ACSL4: variants seen among roughly 807,000 people sequenced by gnomAD.
ACSL4 encodes the protein long-chain-fatty-acid--CoA ligase 4.
A neutral mutation model predicts 49.1 loss-of-function variants in ACSL4; 9 were observed. The observed-to-expected ratio is 0.18, with a 90% CI of 0.11 to 0.32. The LOEUF (loss-of-function observed/expected upper bound fraction) is 0.32. Ranked by LOEUF, ACSL4 falls within the 10% of genes least tolerant of loss-of-function variation. The pLI, the probability that ACSL4 is intolerant of heterozygous loss-of-function variation, is 1.00. For missense variants in ACSL4, 333 were observed against 493.7 expected (o/e 0.67, Z 3.08); for synonymous variants, 191 against 170.3 (o/e 1.12, Z -0.95).
At chrX:109,722,644 T>A (rs1284633280) in intron 1 of ACSL4, among the ~76,000 whole-genome samples, 1 of 111,515 alleles carries the variant, frequency 9.0e-6, no homozygotes, top group Non-Finnish European at 1.9e-5. Flanking sequence ...TGACTCAACA[T>A]TAAAGACTTT....
chrX:109,668,886 A>T, intron 10 of ACSL4, 148 bp downstream of exon 10: 1 of 443,277 alleles, frequency 2.3e-6, no homozygotes, highest in Non-Finnish European at 3.7e-6. Context: ...ATAAACAATA[A>T]GACTTAGAAT....
At position 109,682,830 on chromosome X, in the gene ACSL4, T is replaced by G; in HGVS notation, c.295A>C (p.Ser99Arg). Residue 99 changes from serine to arginine, a missense_variant, in exon 4 of 16, where the codon AGT becomes CGT. Transcript: ENST00000672401. ...EVNRRVNNFG[S>R]GLTALGLKPK... ...TTTAGTCCCAGTGCAGTGAGTCCACTACCAAAGTTATTCACTCTGCGATTC... is the reference window on the plus strand; with the variant it reads ...TTTAGTCCCAGTGCAGTGAGTCCACGACCAAAGTTATTCACTCTGCGATTC... The G allele has an allele frequency of 8.3e-7, 1 of 1,211,536 alleles. No individual in the cohort carries two copies. Among genetic ancestry groups the G allele is most frequent in the Non-Finnish European group, 1.1e-6 (1 of 895,112 alleles).
intron 15 of ACSL4, among the ~76,000 whole-genome samples, chrX:109,648,315 G>A (rs1356594269): frequency 2.7e-5 from 3 of 111,423 alleles, no homozygotes; most frequent in African/African-American, 9.8e-5. Context: ...ATATCAAAAA[G>A]CTTATCCACC....
intron 1 of ACSL4, among the ~76,000 whole-genome samples, chrX:109,701,632 G>A (rs895281620): frequency 1.0e-4 from 10 of 97,162 alleles, no homozygotes; most frequent in Non-Finnish European, 1.8e-4. Flanking sequence ...TGCAACCTCC[G>A]CCTCACGGTT....
At chrX:109,690,746 C>T (rs1169033206) in intron 2 of ACSL4, among the ~76,000 whole-genome samples, 1 of 97,821 alleles carries the variant, frequency 1.0e-5, no homozygotes, top group African/African-American at 3.9e-5. Context: ...GTCCTACATC[C>T]TAAGACATTT....
chrX:109,724,768 C>T (rs971381463), intron 1 of ACSL4, among the ~76,000 whole-genome samples: 1 of 108,989 alleles, frequency 9.2e-6, no homozygotes, highest in East Asian at 3.0e-4. Flanking sequence ...AAAAATTAGC[C>T]GGGTGTGGTG....
chrX:109,661,775 G>T (rs1408581393), intron 13 of ACSL4, 130 bp from the exon 14 acceptor site: 2 of 511,923 alleles, frequency 3.9e-6, no homozygotes, highest in African/African-American at 4.7e-5. Flanking sequence ...TTAGGTTGGT[G>T]CAAAAGTAAT....
chrX:109,670,751 G>C (rs934974556), intron 9 of ACSL4, among the ~76,000 whole-genome samples: 3 of 111,414 alleles, frequency 2.7e-5, no homozygotes, highest in East Asian at 2.8e-4. Context: ...TCAGCCTGCC[G>C]AGTGCCTGGG....
At chrX:109,651,119 TTA>T (rs753118846) in intron 15 of ACSL4, among the ~76,000 whole-genome samples, 1 of 112,116 alleles carries the variant, frequency 8.9e-6, no homozygotes, top group East Asian at 2.8e-4. Flanking sequence ...ATTCCATAAA[TTA>T]TATGCCATCA....
rs1934517270 is a variant in ACSL4, at chrX:109,643,707, C to G, written c.*322G>C. On this transcript the variant is annotated 3_prime_UTR_variant, in exon 16 of 16. Transcript: ENST00000672401. Reference sequence around the variant, plus strand: ...CCTCAAACTACATTCTACTCCAACTCCAATTTATTTTGTTCAACATTAAAT... The same window carrying G: ...CCTCAAACTACATTCTACTCCAACTGCAATTTATTTTGTTCAACATTAAAT... The G allele has an allele frequency of 2.0e-5, 4 of 201,386 alleles. No homozygotes were observed. Among genetic ancestry groups the G allele is most frequent in the South Asian group, 1.8e-4 (2 of 11,083 alleles). 16.6% of individuals were successfully genotyped at this position (201,386 alleles called of 1,213,427 possible).
intron 1 of ACSL4, among the ~76,000 whole-genome samples, chrX:109,701,708 C>A (rs1199384877): frequency 9.8e-6 from 1 of 101,709 alleles, no homozygotes; most frequent in East Asian, 3.2e-4. Context: ...CCACGCCTAG[C>A]TAATTTTGTG....
At chrX:109,721,436 T>G (rs1006483944) in intron 1 of ACSL4, among the ~76,000 whole-genome samples, 1 of 111,688 alleles carries the variant, frequency 9.0e-6, no homozygotes, top group South Asian at 3.7e-4. Flanking sequence ...ACAGAATACC[T>G]AAGAAAAAAC....
intron 15 of ACSL4, among the ~76,000 whole-genome samples, chrX:109,650,093 T>A (rs961828453): frequency 4.5e-5 from 5 of 111,629 alleles, no homozygotes; most frequent in African/African-American, 1.6e-4. Context: ...TGTAAACTAG[T>A]TCAACCGTTG....
chrX:109,705,395 C>G (rs924279743), intron 1 of ACSL4, among the ~76,000 whole-genome samples: 3 of 111,821 alleles, frequency 2.7e-5, no homozygotes, highest in African/African-American at 9.8e-5. Flanking sequence ...AGTGAGATGC[C>G]TACTAAAATA....
chrX:109,673,990 T>C (rs1206128973), intron 9 of ACSL4, among the ~76,000 whole-genome samples: 1 of 111,590 alleles, frequency 9.0e-6, no homozygotes, highest in Admixed American at 9.5e-5. Flanking sequence ...CATAAGAGAG[T>C]TGGGAGGGCT....
intron 1 of ACSL4, among the ~76,000 whole-genome samples, chrX:109,714,847 A>C (rs1484758527): frequency 8.9e-6 from 1 of 112,382 alleles, no homozygotes. Context: ...CCCATTTCTC[A>C]GAACATGTCC....
At position 109,643,902 on chromosome X, in the gene ACSL4, T is replaced by A; in HGVS notation, c.*127A>T. ...ACAATTTTAATAACTTTTGGTTTTG[T>A]TTTCTTTTTACTCTATCTTTAGAAT... On this transcript the variant is annotated 3_prime_UTR_variant, in exon 16 of 16. Transcript: ENST00000672401. 1 of 856,729 alleles carries A rather than the reference T, an allele frequency of 1.2e-6. No individual in the cohort carries two copies. The highest frequency in any genetic ancestry group is 1.7e-6 in the Non-Finnish European group (1 of 592,360). 70.6% of individuals were successfully genotyped at this position (856,729 alleles called of 1,213,427 possible). A position where few individuals can be genotyped will look rare whatever the true frequency, so the allele number is the denominator to read the frequency against.
chrX:109,643,667 G>A lies in ACSL4; in HGVS notation c.*362C>T, dbSNP rs1934516143. 6.1e-6 allele frequency: 1 copy of A among 163,823 alleles called. No homozygotes were observed. Among genetic ancestry groups the A allele is most frequent in the Admixed American group, 7.3e-5 (1 of 13,628 alleles). 13.5% of individuals were successfully genotyped at this position (163,823 alleles called of 1,213,427 possible). A position where few individuals can be genotyped will look rare whatever the true frequency, so the allele number is the denominator to read the frequency against. On this transcript the variant is annotated 3_prime_UTR_variant, in exon 16 of 16. Transcript: ENST00000672401. ...CTGAAATAGGAAGACAAGAGGCATT[G>A]GAAGCTGCAAATTTCCTCAAACTAC...
intron 9 of ACSL4, among the ~76,000 whole-genome samples, chrX:109,672,079 T>TAAAAAA (rs764711316): frequency 4.6e-4 from 17 of 37,359 alleles, no homozygotes; most frequent in East Asian, 2.1e-3. Context: ...CAATAAATAC[T>TAAAAAA]AAAAAAAAAA....
Sources: gnomAD v4.1 joint callset for allele counts (sites outside exome capture counted in the v4.1 genomes callset) on GRCh38, gnomAD v4.1.1 for gene constraint, MANE v1.5 for transcripts, NCBI Gene and HGNC (gene_info 2026-07-23, HGNC 2026-07-21) for gene names.